PTCD3: variants seen among roughly 807,000 people sequenced by gnomAD.
The protein encoded by PTCD3 is pentatricopeptide repeat domain 3, also known as small ribosomal subunit protein mS39.
A neutral mutation model predicts 101.9 loss-of-function variants in PTCD3; 89 were observed. The ratio of observed to expected loss-of-function variants is 0.87; its 90% confidence interval spans 0.74 to 1.04. The LOEUF is 1.04. PTCD3 is among the 50% of genes least tolerant of loss of function. PTCD3 has a pLI of 0.00. For synonymous variants in PTCD3, 296 were observed against 278.5 expected (o/e 1.06, Z -0.63); for missense variants, 870 against 828.2 (o/e 1.05, Z -0.62).
rs1452697004 is a variant in PTCD3, at chr2:86,141,300, GA to G, written c.*3744del. ...AACCTCTGGATACATCAATGGGAAG[GA>G]AACCAGGGAAGCATAGACCTATAGT... is the stretch of plus-strand genomic sequence containing the variant. On this transcript the variant is annotated 3_prime_UTR_variant, in exon 24 of 24. Transcript: ENST00000254630. 1 of 152,232 alleles carries G rather than the reference GA, an allele frequency of 6.6e-6. No individual in the cohort carries two copies. Among genetic ancestry groups the G allele is most frequent in the East Asian group, 1.9e-4 (1 of 5,194 alleles). 9.4% of individuals were successfully genotyped at this position (152,232 alleles called of 1,614,324 possible). A position where few individuals can be genotyped will look rare whatever the true frequency, so the allele number is the denominator to read the frequency against.
At chr2:86,125,680 GT>G (rs1368194445) in intron 11 of PTCD3, 114 bp from the exon 12 acceptor site, 1 of 1,060,656 alleles carries the variant, frequency 9.4e-7, no homozygotes, top group African/African-American at 1.6e-5. Context: ...TAGTTTTCCA[GT>G]TTTGTGGACA....
Position 86,140,461 on chromosome 2 carries a change from G to A in PTCD3, c.*2902G>A, listed in dbSNP as rs1674663706. The A allele has an allele frequency of 1.3e-5, 2 of 152,124 alleles. No homozygotes were observed. Among genetic ancestry groups the A allele is most frequent in the African/African-American group, 2.4e-5 (1 of 41,414 alleles). The allele number at this position is 152,124 out of a possible 1,614,324, so 9.4% of individuals were successfully genotyped here. On this transcript the variant is annotated 3_prime_UTR_variant, in exon 24 of 24. Coordinates refer to ENST00000254630, the MANE Select transcript of PTCD3 (RefSeq NM_017952.6). Reference sequence around the variant, plus strand: ...GCACGTCACCTACAGTTTTGTGATGGTGCATTTTTGCATTGCAGTATAGAT... The same window carrying A: ...GCACGTCACCTACAGTTTTGTGATGATGCATTTTTGCATTGCAGTATAGAT...
chr2:86,117,285 G>A (rs554494008), intron 6 of PTCD3, 126 bp downstream of exon 6: 1 of 519,712 alleles, frequency 1.9e-6, no homozygotes, highest in East Asian at 3.0e-5. Flanking sequence ...GCCTTTTAAA[G>A]TGTGGAGTTA....
At chr2:86,134,695 T>A (rs976868288) in intron 20 of PTCD3, 144 bp from the exon 21 acceptor site, 18 of 976,050 alleles carry the variant, frequency 1.8e-5, no homozygotes, top group African/African-American at 9.7e-5. Context: ...GTCCTTTTTT[T>A]ATTAAATTAC....
chr2:86,130,513 G>A, intron 14 of PTCD3, 135 bp from the exon 15 acceptor site: 1 of 1,341,680 alleles, frequency 7.5e-7, no homozygotes, highest in Admixed American at 2.9e-5. Flanking sequence ...AGCAAGCATT[G>A]GCCTCCACCC....
In PTCD3 at chr2:86,118,193, A is replaced by T. The variant is rs542167990; in HGVS notation, c.415-728A>T. On this transcript the variant is annotated intron_variant, in intron 6 of 23. Transcript: ENST00000254630. ...TAATCCATTTGGTACTCTTTTGTAT[A>T]TCTAGCCTAGATCCCTTTACTTTGA... Among the ~76,000 whole-genome samples the T allele has an allele frequency of 3.9e-5, 6 of 152,254 alleles. No individual in the cohort carries two copies. The South Asian group carries it at 8.3e-4, about 21-fold the overall frequency.
intron 19 of PTCD3, 27 bp downstream of exon 19, chr2:86,133,463 G>T: frequency 6.4e-7 from 1 of 1,553,890 alleles, no homozygotes; most frequent in Non-Finnish European, 8.9e-7. Context: ...ATGTGTCCAG[G>T]TGCATCTCAC....
intron 8 of PTCD3, among the ~76,000 whole-genome samples, chr2:86,123,087 G>A (rs1231084751): frequency 4.0e-5 from 6 of 151,474 alleles, no homozygotes; most frequent in Non-Finnish European, 4.4e-5. Flanking sequence ...GTGAAATCCC[G>A]TCCCTACTAA....
chr2:86,132,241 C>A (rs1184768995), intron 16 of PTCD3, 77 bp from the exon 17 acceptor site: 2 of 817,848 alleles, frequency 2.4e-6, no homozygotes, highest in Non-Finnish European at 3.9e-6. Context: ...TCACAAGACA[C>A]TCTACTGTTG....
intron 10 of PTCD3, 27 bp downstream of exon 10, chr2:86,125,109 T>C (rs764058955): frequency 1.2e-6 from 2 of 1,611,142 alleles, no homozygotes. Flanking sequence ...TATTTTTGTC[T>C]TTCATTTCCA....
In PTCD3 at chr2:86,140,479, G is replaced by C. The variant is rs1392308080; in HGVS notation, c.*2920G>C. 2 of 152,168 alleles carry C rather than the reference G, an allele frequency of 1.3e-5. No homozygotes were observed. The highest frequency in any genetic ancestry group is 2.9e-5 in the Non-Finnish European group (2 of 68,038). 9.4% of individuals were successfully genotyped at this position (152,168 alleles called of 1,614,324 possible). ...TGTGATGGTGCATTTTTGCATTGCA[G>C]TATAGATCTGTGCATAGATATATGC... On this transcript the variant is annotated 3_prime_UTR_variant, in exon 24 of 24. Transcript: ENST00000254630.
chr2:86,125,941 A>G lies in PTCD3; in HGVS notation c.951+61A>G, dbSNP rs893095455. 4.0e-6 allele frequency: 5 copies of G among 1,244,648 alleles called. No homozygotes were observed. The African/African-American group carries it at 4.5e-5, about 11-fold the overall frequency. The allele number at this position is 1,244,648 out of a possible 1,614,324, so 77.1% of individuals were successfully genotyped here. ...CTTAAATACTCTTTACCAGAAATACATGGGCTGGCCAGGTGTGGTGGCTCA... is the reference window on the plus strand; with the variant it reads ...CTTAAATACTCTTTACCAGAAATACGTGGGCTGGCCAGGTGTGGTGGCTCA... On this transcript the variant is annotated intron_variant, in intron 12 of 23. Coordinates refer to ENST00000254630, the MANE Select transcript of PTCD3 (RefSeq NM_017952.6).
Position 86,132,352 on chromosome 2 carries a change from A to T in PTCD3, c.1301A>T (p.Gln434Leu). The T allele has an allele frequency of 1.9e-6, 3 of 1,608,400 alleles. No homozygotes were observed. Among genetic ancestry groups the T allele is most frequent in the Non-Finnish European group, 2.6e-6 (3 of 1,175,300 alleles). Residue 434 changes from glutamine (Q) to leucine (L), a missense_variant, in exon 17 of 24, where the codon CAA (glutamine) becomes CTA (leucine). Physicochemically the swap from Gln to Leu is moderately radical, Grantham distance 113. Transcript: ENST00000254630. Reference protein sequence around the residue: ...SSLRDLELAYQVHGLLKTGDN... With the variant: ...SSLRDLELAYLVHGLLKTGDN... ...CTCAGAGATCTAGAACTTGCCTACC[A>T]AGTACATGGCCTTTTAAAAACCGGA...
At chr2:86,106,612 T>A (rs1355487181) in intron 1 of PTCD3, among the ~76,000 whole-genome samples, 1 of 152,210 alleles carries the variant, frequency 6.6e-6, no homozygotes, top group Non-Finnish European at 1.5e-5. Context: ...CCTGCTCTCA[T>A]GAAGCTTGCG....
Position 86,133,350 on chromosome 2 carries a change from A to G in PTCD3, c.1457A>G (p.Tyr486Cys), listed in dbSNP as rs1190678146. The G allele has an allele frequency of 1.2e-6, 2 of 1,614,018 alleles. No individual in the cohort carries two copies. Among genetic ancestry groups the G allele is most frequent in the Non-Finnish European group, 1.7e-6 (2 of 1,180,000 alleles). Residue 486 changes from tyrosine to cysteine, a missense_variant, in exon 19 of 24, where the codon TAC (tyrosine) becomes TGC (cysteine). Transcript: ENST00000254630. ...AAATGTGTTTCTCTTAATCAGGCCT[A>G]CTTTCCCCACTCCCAAACAATGATA... The part of the protein sequence containing the change: ...KWYEDLIPSA[Y>C]FPHSQTMIHL...
At chr2:86,125,212 C>T in intron 10 of PTCD3, 130 bp downstream of exon 10, 1 of 1,419,248 alleles carries the variant, frequency 7.0e-7, no homozygotes, top group South Asian at 1.4e-5. Flanking sequence ...ATGTTAGTAG[C>T]TCCCTGGCTT....
At chr2:86,122,136 A>G (rs910159825) in intron 8 of PTCD3, among the ~76,000 whole-genome samples, 11 of 152,218 alleles carry the variant, frequency 7.2e-5, no homozygotes, top group African/African-American at 2.7e-4. Context: ...TATACTTGCA[A>G]AAATGTTGAA....
chr2:86,124,926 C>G, intron 9 of PTCD3, 69 bp from the exon 10 acceptor site: 1 of 1,576,044 alleles, frequency 6.3e-7, no homozygotes, highest in Non-Finnish European at 8.6e-7. Context: ...AATAAACCGT[C>G]AGTAAATGGT....
chr2:86,136,608 G>A, intron 22 of PTCD3, 46 bp downstream of exon 22: 1 of 1,573,658 alleles, frequency 6.4e-7, no homozygotes, highest in Non-Finnish European at 8.7e-7. Context: ...CCTGGAAGTA[G>A]CCACATTTGG....
Sources: allele counts gnomAD v4.1 joint callset (sites outside exome capture counted in the v4.1 genomes callset), GRCh38; gene constraint gnomAD v4.1.1; transcripts MANE v1.5; gene names NCBI Gene and HGNC (gene_info 2026-07-23, HGNC 2026-07-21).